The following MERTK variants were observed in gnomAD, a reference collection of about 807,000 sequenced individuals.
MERTK encodes tyrosine-protein kinase Mer.
Under a neutral mutation model 99.3 loss-of-function variants are expected in MERTK, and 69 were observed. That is an observed-to-expected ratio of 0.70 (90% confidence interval 0.57 to 0.85). MERTK has a LOEUF of 0.85. Ranked by LOEUF, MERTK falls within the 40% of genes least tolerant of loss-of-function variation. The pLI is 0.00. For missense variants in MERTK, 1,125 were observed against 1,249.4 expected, an observed-to-expected ratio of 0.90 and a Z score of 1.50; for synonymous variants, 426 against 467.6, an observed-to-expected ratio of 0.91 and a Z score of 1.15.
intron 13 of MERTK, among the ~76,000 whole-genome samples, chr2:112,004,276 A>G (rs1379074187): frequency 6.6e-6 from 1 of 151,570 alleles, no homozygotes; most frequent in Non-Finnish European, 1.5e-5. Flanking sequence ...TCTCACTCTC[A>G]TCTAGTAGAG....
intron 8 of MERTK, among the ~76,000 whole-genome samples, chr2:111,991,167 A>G (rs560666411): frequency 5.3e-5 from 8 of 152,310 alleles, no homozygotes; most frequent in African/African-American, 1.9e-4. Context: ...TCGCTCCCAA[A>G]TTAAACACAG....
rs115188104 is a variant in MERTK, at chr2:112,013,203, G to C, written c.2079+3137G>C. Reference sequence around the variant, plus strand: ...TTCACCAACATGAGTACTAACCGTAGAGACAGGAGGCTGCAGCTGCATCAC... The same window carrying C: ...TTCACCAACATGAGTACTAACCGTACAGACAGGAGGCTGCAGCTGCATCAC... On this transcript the variant is annotated intron_variant, in intron 15 of 18. Transcript: ENST00000295408. 1,010 of 154,082 alleles carry C rather than the reference G, an allele frequency of 6.6e-3. 9 individuals carry two copies. The highest frequency in any genetic ancestry group is 0.023 in the African/African-American group (936 of 41,470). The allele number at this position is 154,082 out of a possible 1,614,324, so 9.5% of individuals were successfully genotyped here. A position where few individuals can be genotyped will look rare whatever the true frequency, so the allele number is the denominator to read the frequency against.
At chr2:111,927,403 G>A (rs867787742) in intron 1 of MERTK, among the ~76,000 whole-genome samples, 11 of 152,232 alleles carry the variant, frequency 7.2e-5, no homozygotes, top group African/African-American at 1.9e-4. Flanking sequence ...TCTGCCCCAC[G>A]ATTTCCTACT....
intron 2 of MERTK, among the ~76,000 whole-genome samples, chr2:111,942,729 AGAG>A (rs1684887671): frequency 6.6e-6 from 1 of 152,196 alleles, no homozygotes; most frequent in Non-Finnish European, 1.5e-5. Context: ...AGGGGAAGAC[AGAG>A]CATTTCAAGT....
chr2:112,009,824 T>C, intron 14 of MERTK, 124 bp from the exon 15 acceptor site: 1 of 784,904 alleles, frequency 1.3e-6, no homozygotes, highest in Non-Finnish European at 2.3e-6. Flanking sequence ...AGTTAGGCGC[T>C]CTTGATTTTT....
At chr2:111,914,734 A>G (rs1210930003) in intron 1 of MERTK, among the ~76,000 whole-genome samples, 3 of 152,150 alleles carry the variant, frequency 2.0e-5, no homozygotes, top group African/African-American at 7.2e-5. Context: ...CTTTCTATCC[A>G]TGGCATAAAT....
At position 111,974,797 on chromosome 2, in the gene MERTK, GA is replaced by G. The variant is rs1370354902; in HGVS notation, c.961-488del. On this transcript the variant is annotated intron_variant, in intron 6 of 18. Transcript: ENST00000295408. The stretch of plus-strand genomic sequence containing the variant: ...AAAAAAAAAAAAAAAAAAAAAGAAA[GA>G]AAAGAAAAGAAAAGAAAAAGAAAGC... 5.4e-3 allele frequency among the ~76,000 whole-genome samples: 650 copies of G among 121,160 alleles called. 4 individuals are homozygous for G. Among genetic ancestry groups the G allele is most frequent in the Middle Eastern group, 0.014 (3 of 210 alleles). 79.5% of individuals were successfully genotyped at this position (121,160 alleles called of 152,430 possible).
intron 4 of MERTK, among the ~76,000 whole-genome samples, chr2:111,955,667 G>A (rs1458256274): frequency 6.6e-6 from 1 of 152,184 alleles, no homozygotes. Context: ...CCATGGTTAT[G>A]TAAGATCTTA....
At position 112,003,984 on chromosome 2, in the gene MERTK, T is replaced by C; in HGVS notation, c.1867T>C (p.Leu623=). 1 of 1,610,890 alleles carries C rather than the reference T, an allele frequency of 6.2e-7. No individual in the cohort carries two copies. Among genetic ancestry groups the C allele is most frequent in the African/African-American group, 1.3e-5 (1 of 74,936 alleles). The stretch of plus-strand genomic sequence containing the variant: ...GAAAGTGGCAGTGAAGACCATGAAG[T>C]GTGAGTTATCAGTGATGAATCCCAT... ...SLKVAVKTMK[L]DNSSQREIEE... is the part of the protein sequence containing the mutation. Residue 623 remains leucine, a splice_region_variant and synonymous_variant, in exon 13 of 19, where the codon TTG becomes CTG. Transcript: ENST00000295408.
chr2:112,029,279 T>C lies in MERTK; in HGVS notation c.*415T>C. 1.0e-6 allele frequency: 1 copy of C among 970,708 alleles called. No homozygotes were observed. The highest frequency in any genetic ancestry group is 1.2e-6 in the Non-Finnish European group (1 of 811,796). The allele number at this position is 970,708 out of a possible 1,614,324, so 60.1% of individuals were successfully genotyped here. On this transcript the variant is annotated 3_prime_UTR_variant, in exon 19 of 19. Coordinates refer to ENST00000295408, the MANE Select transcript of MERTK (RefSeq NM_006343.3). ...TTTGACTTGGCTTCTGGTCTTGATG[T>C]ATTTGATAAGAATGATTCATTCAAT...
chr2:112,020,211 C>A (rs1677310491), intron 16 of MERTK, among the ~76,000 whole-genome samples: 1 of 152,032 alleles, frequency 6.6e-6, no homozygotes, highest in Admixed American at 6.5e-5. Flanking sequence ...AGGGCTCCTA[C>A]CTCTTTCACC....
intron 1 of MERTK, among the ~76,000 whole-genome samples, chr2:111,927,209 A>G (rs1247377684): frequency 6.6e-6 from 1 of 152,210 alleles, no homozygotes; most frequent in Admixed American, 6.5e-5. Context: ...CCCAAAGGCA[A>G]CAGCCATGAG....
At chr2:111,908,930 A>C (rs1684190524) in intron 1 of MERTK, among the ~76,000 whole-genome samples, 1 of 152,232 alleles carries the variant, frequency 6.6e-6, no homozygotes, top group Non-Finnish European at 1.5e-5. Flanking sequence ...AACAGCAAAA[A>C]ACAAGCAATC....
Position 111,997,110 on chromosome 2 carries a change from T to C in MERTK, c.1451-213T>C. 3 of 722,376 alleles carry C rather than the reference T, an allele frequency of 4.2e-6. No homozygotes were observed. The South Asian group carries it at 4.2e-5, about 10-fold the overall frequency. 44.7% of individuals were successfully genotyped at this position (722,376 alleles called of 1,614,324 possible). ...AGTGTGACATTTTGATCTATGTATATGTTATGGAATGAGTAAATCAAGCTA... is the reference window on the plus strand; with the variant it reads ...AGTGTGACATTTTGATCTATGTATACGTTATGGAATGAGTAAATCAAGCTA... On this transcript the variant is annotated intron_variant, in intron 9 of 18. Coordinates refer to ENST00000295408, the MANE Select transcript of MERTK (RefSeq NM_006343.3).
chr2:111,958,630 C>G (rs569717759), intron 4 of MERTK, among the ~76,000 whole-genome samples: 6 of 152,256 alleles, frequency 3.9e-5, no homozygotes, highest in African/African-American at 1.4e-4. Flanking sequence ...GTGTAGGTGT[C>G]TTGTGCTAGG....
At position 112,019,555 on chromosome 2, in the gene MERTK, G is replaced by A. The variant is rs199595335; in HGVS notation, c.2189+33G>A. ...TCCTCGGCTATCCTGGAAGGGTTTG[G>A]ACCTCATGGTGTTTGGTCTTTGCAG... On this transcript the variant is annotated intron_variant, in intron 16 of 18. Coordinates refer to ENST00000295408, the MANE Select transcript of MERTK (RefSeq NM_006343.3). The A allele has an allele frequency of 4.3e-4, 649 of 1,508,620 alleles. 4 individuals carry two copies. The African/African-American group carries it at 7.8e-3, about 18-fold the overall frequency. The allele number at this position is 1,508,620 out of a possible 1,614,324, so 93.5% of individuals were successfully genotyped here.
In MERTK at chr2:112,003,126, T is replaced by TA; in HGVS notation, c.1728dup (p.Leu577ThrfsTer7). 1.9e-6 allele frequency: 3 copies of TA among 1,602,212 alleles called. No individual in the cohort carries two copies. Among genetic ancestry groups the TA allele is most frequent in the Non-Finnish European group, 2.6e-6 (3 of 1,169,424 alleles). ...TGGGAGTCAGTGAGGAACTACAAAA[T>TA]AAACTAGAAGATGTTGTGATTGACA... On this transcript the variant is annotated frameshift_variant, in exon 12 of 19. Coordinates refer to ENST00000295408, the MANE Select transcript of MERTK (RefSeq NM_006343.3). LOFTEE classifies it high-confidence loss of function.
rs866411807 is a variant in MERTK, at chr2:111,940,984, T to C, written c.483-3976T>C. The C allele has an allele frequency of 8.3e-6, 5 of 602,684 alleles. No individual in the cohort carries two copies. The Middle Eastern group carries it at 1.1e-3, about 131-fold the overall frequency. The allele number at this position is 602,684 out of a possible 1,614,324, so 37.3% of individuals were successfully genotyped here. ...TCTAAATTCTGTTTCATCTTTGCAG[T>C]TGAAACCGGCGGGGTTGTGGTAGTC... is the stretch of plus-strand genomic sequence containing the variant. On this transcript the variant is annotated intron_variant, in intron 2 of 18. Transcript: ENST00000295408.
intron 9 of MERTK, chr2:111,996,848 G>C (rs1426880867): frequency 5.1e-6 from 1 of 197,848 alleles, no homozygotes; most frequent in Middle Eastern, 5.1e-4. Flanking sequence ...TATTTTCTCT[G>C]TATCATAAGT....
Sources: gnomAD v4.1 joint callset for allele counts (sites outside exome capture counted in the v4.1 genomes callset) on GRCh38, gnomAD v4.1.1 for gene constraint, MANE v1.5 for transcripts, NCBI Gene and HGNC (gene_info 2026-07-23, HGNC 2026-07-21) for gene names.